Variants in ADAM18 observed in about 807,000 individuals in gnomAD.
ADAM18 encodes ADAM metallopeptidase domain 18.
A neutral mutation model predicts 94.4 loss-of-function variants in ADAM18; 117 were observed. The observed-to-expected ratio is 1.24, with a 90% CI of 1.07 to 1.45. The LOEUF is 1.45. ADAM18 is among the 40% of genes most tolerant of loss of function. The pLI, the probability that ADAM18 is intolerant of heterozygous loss-of-function variation, is 0.00. For synonymous variants in ADAM18, 327 were observed against 291.6 expected, an observed-to-expected ratio of 1.12 and a Z score of -1.24; for missense variants, 936 against 880.0, an observed-to-expected ratio of 1.06 and a Z score of -0.81.
chr8:39,680,821 G>A (rs914115527), intron 16 of ADAM18, among the ~76,000 whole-genome samples: 1 of 152,162 alleles, frequency 6.6e-6, no homozygotes, highest in Non-Finnish European at 1.5e-5. Context: ...TGTGGCATCT[G>A]AAATTTCACA....
intron 10 of ADAM18, among the ~76,000 whole-genome samples, chr8:39,640,696 TA>T (rs1270764166): frequency 6.6e-6 from 1 of 152,158 alleles, no homozygotes. Context: ...ATCTGTTGTT[TA>T]TTGACTTTTT....
chr8:39,611,694 C>A, intron 6 of ADAM18: 1 of 733,826 alleles, frequency 1.4e-6, no homozygotes, highest in Non-Finnish European at 1.7e-6. Flanking sequence ...CATCAAAAAG[C>A]TGAGGTTGCA....
Position 39,637,704 on chromosome 8 carries a change from G to C in ADAM18, c.827+1G>C. ...CCCATGACATAGCATACTTACTTGT[G>C]TAAGCACAATGTTCTACATTAATAA... On this transcript the variant is annotated splice_donor_variant, in intron 9 of 19. Coordinates refer to ENST00000265707, the MANE Select transcript of ADAM18 (RefSeq NM_014237.3). LOFTEE classifies it high-confidence loss of function. 6.3e-7 allele frequency: 1 copy of C among 1,590,754 alleles called. No homozygotes were observed. Among genetic ancestry groups the C allele is most frequent in the Non-Finnish European group, 8.5e-7 (1 of 1,169,738 alleles).
intron 6 of ADAM18, among the ~76,000 whole-genome samples, chr8:39,621,370 C>T (rs988835169): frequency 4.7e-5 from 7 of 149,280 alleles, no homozygotes; most frequent in Non-Finnish European, 8.9e-5. Context: ...GTACCCATGT[C>T]AATGTCCTGG....
chr8:39,624,176 A>G (rs1208704287), intron 6 of ADAM18, among the ~76,000 whole-genome samples: 4 of 151,942 alleles, frequency 2.6e-5, no homozygotes, highest in Non-Finnish European at 4.4e-5. Context: ...CCATTTATTT[A>G]TCTTTGTTGC....
intron 16 of ADAM18, among the ~76,000 whole-genome samples, chr8:39,682,271 T>A (rs1193549108): frequency 6.6e-6 from 1 of 152,144 alleles, no homozygotes; most frequent in East Asian, 1.9e-4. Flanking sequence ...TAGAAAACGG[T>A]TCATTTCAAA....
chr8:39,678,112 T>C (rs1393853413), intron 15 of ADAM18, among the ~76,000 whole-genome samples: 2 of 152,128 alleles, frequency 1.3e-5, no homozygotes, highest in Non-Finnish European at 2.9e-5. Flanking sequence ...CTTAATTTCA[T>C]TGAAAATTAA....
intron 7 of ADAM18, among the ~76,000 whole-genome samples, chr8:39,637,019 T>TTATATATATATA (rs35248371): frequency 1.8e-5 from 1 of 54,852 alleles, no homozygotes; most frequent in Non-Finnish European, 4.1e-5. Context: ...TGTGTGTATT[T>TTATATATATATA]TATATATATA....
chr8:39,693,050 TA>T (rs927625950), intron 17 of ADAM18, among the ~76,000 whole-genome samples: 297 of 151,742 alleles, frequency 2.0e-3, no homozygotes, highest in African/African-American at 6.9e-3. Flanking sequence ...TATCAGGGAA[TA>T]TTTTTTTCTC....
At chr8:39,676,270 A>G (rs781559805) in intron 14 of ADAM18, among the ~76,000 whole-genome samples, 5 of 152,210 alleles carry the variant, frequency 3.3e-5, no homozygotes, top group Non-Finnish European at 7.3e-5. Context: ...GTCTAGAGGC[A>G]GTAGGCTTTG....
At chr8:39,673,006 G>C (rs1563300898) in intron 14 of ADAM18, among the ~76,000 whole-genome samples, 2 of 152,132 alleles carry the variant, frequency 1.3e-5, no homozygotes, top group Admixed American at 6.6e-5. Flanking sequence ...ATATTTAATA[G>C]TTTGTGCAAT....
intron 6 of ADAM18, among the ~76,000 whole-genome samples, chr8:39,623,896 C>T (rs1279557271): frequency 3.3e-5 from 5 of 152,040 alleles, no homozygotes; most frequent in Non-Finnish European, 7.4e-5. Context: ...TTTGCATTTC[C>T]GTGTTGATTA....
intron 6 of ADAM18, among the ~76,000 whole-genome samples, chr8:39,619,418 C>T (rs991378687): frequency 1.3e-5 from 2 of 152,094 alleles, no homozygotes; most frequent in African/African-American, 4.8e-5. Context: ...TATTCTGTGA[C>T]ACAAAACAAG....
At chr8:39,662,979 C>CT (rs1205346391) in intron 12 of ADAM18, among the ~76,000 whole-genome samples, 4 of 152,052 alleles carry the variant, frequency 2.6e-5, no homozygotes, top group South Asian at 2.1e-4. Flanking sequence ...TAGGTATAGT[C>CT]TTTTTTTGTT....
intron 10 of ADAM18, among the ~76,000 whole-genome samples, chr8:39,642,670 G>A (rs1037682345): frequency 6.6e-6 from 1 of 151,952 alleles, no homozygotes; most frequent in African/African-American, 2.4e-5. Flanking sequence ...CTATAGTATA[G>A]TTTGAAGTCA....
Position 39,637,980 on chromosome 8 carries a change from C to T in ADAM18, c.827+277C>T, listed in dbSNP as rs1820131499. Among the ~76,000 whole-genome samples the T allele has an allele frequency of 1.3e-5, 2 of 151,734 alleles. 1 individual carries two copies. The highest frequency in any genetic ancestry group is 2.9e-5 in the Non-Finnish European group (2 of 67,848). On this transcript the variant is annotated intron_variant, in intron 9 of 19. Coordinates refer to ENST00000265707, the MANE Select transcript of ADAM18 (RefSeq NM_014237.3). ...GACTTTGCTACAGAAAACATATAAT[C>T]CTTAGTTTATGAATGATGTAAAAAC...
intron 6 of ADAM18, 42 bp from the exon 7 acceptor site, chr8:39,629,332 A>C (rs61553859): frequency 1.5e-5 from 22 of 1,427,028 alleles, no homozygotes; most frequent in Non-Finnish European, 2.0e-5. Flanking sequence ...TAAATTCAAT[A>C]CATGTTAACA....
intron 18 of ADAM18, among the ~76,000 whole-genome samples, chr8:39,723,225 T>C (rs971527100): frequency 6.6e-6 from 1 of 151,482 alleles, no homozygotes; most frequent in African/African-American, 2.4e-5. Flanking sequence ...TGGAAAGATA[T>C]ACACATACAC....
intron 6 of ADAM18, chr8:39,610,994 T>C: frequency 8.6e-7 from 1 of 1,161,784 alleles, no homozygotes; most frequent in Non-Finnish European, 1.1e-6. Flanking sequence ...GTCACTGTTA[T>C]TCTAGTACCT....
Sources: allele counts gnomAD v4.1 joint callset (sites outside exome capture counted in the v4.1 genomes callset), GRCh38; gene constraint gnomAD v4.1.1; transcripts MANE v1.5; gene names NCBI Gene and HGNC (gene_info 2026-07-23, HGNC 2026-07-21).